Variants in CNTN3 observed in about 807,000 individuals in gnomAD.
CNTN3 encodes the protein contactin 3, also known as contactin-3.
CNTN3 carries 60 observed loss-of-function variants against 119.1 expected under a neutral mutation model. The ratio of observed to expected loss-of-function variants is 0.50; its 90% CI spans 0.41 to 0.62. CNTN3 has a LOEUF of 0.62. Among genes scored for constraint, CNTN3 ranks in the 20% least tolerant of loss-of-function variants. CNTN3 has a pLI of 0.00. For synonymous variants in CNTN3, 450 were observed against 438.7 expected (o/e 1.03, Z -0.32); for missense variants, 1,101 against 1,242.4 (o/e 0.89, Z 1.71).
chr3:74,419,590 T>C (rs76320311), intron 5 of CNTN3, among the ~76,000 whole-genome samples: 2,008 of 152,244 alleles, frequency 0.013, 44 homozygotes, highest in African/African-American at 0.046. Flanking sequence ...GTTGTTATAA[T>C]ATGTGAATGG....
At position 74,604,410 on chromosome 3, in the gene CNTN3, C is replaced by T. The variant is rs1704960352; in HGVS notation, c.-81+9981G>A. On this transcript the variant is annotated intron_variant, in intron 1 of 22. Transcript: ENST00000263665. ...CTAGAGAAAATATCTGCAAACCACACATCTGTAAGAGGTTAATATTCAGAA... is the reference window on the plus strand; with the variant it reads ...CTAGAGAAAATATCTGCAAACCACATATCTGTAAGAGGTTAATATTCAGAA... 3.3e-5 allele frequency among the ~76,000 whole-genome samples: 5 copies of T among 152,192 alleles called. No homozygotes were observed. The South Asian group carries it at 8.3e-4, about 25-fold the overall frequency.
chr3:74,450,325 T>C (rs1032734329), intron 4 of CNTN3, among the ~76,000 whole-genome samples: 1 of 152,052 alleles, frequency 6.6e-6, no homozygotes, highest in Non-Finnish European at 1.5e-5. Flanking sequence ...AAAAATCTCA[T>C]ACATTATTGT....
At chr3:74,344,502 T>A (rs935438006) in intron 11 of CNTN3, among the ~76,000 whole-genome samples, 1 of 140,978 alleles carries the variant, frequency 7.1e-6, no homozygotes, top group Non-Finnish European at 1.5e-5. Context: ...CTGGGCTCAC[T>A]GCAAGCTCCG....
chr3:74,340,787 A>G (rs1477374401), intron 11 of CNTN3, among the ~76,000 whole-genome samples: 1 of 151,860 alleles, frequency 6.6e-6, no homozygotes, highest in Non-Finnish European at 1.5e-5. Flanking sequence ...AAGCCTTAAA[A>G]CAAAGTAAAA....
intron 2 of CNTN3, among the ~76,000 whole-genome samples, chr3:74,512,588 GA>G (rs1047297169): frequency 1.5e-5 from 2 of 134,980 alleles, no homozygotes; most frequent in Non-Finnish European, 3.1e-5. Context: ...CCATGAGGCA[GA>G]AAAAAAACAT....
intron 19 of CNTN3, among the ~76,000 whole-genome samples, chr3:74,288,159 C>CTTTTTTTTTTTTTTTTTTTTTTTTT (rs3084509): frequency 1.1e-5 from 1 of 90,376 alleles, no homozygotes; most frequent in Non-Finnish European, 2.4e-5. Context: ...CTTTTCTTTT[C>CTTTTTTTTTTTTTTTTTTTTTTTTT]TTTTTTTTTT....
At chr3:74,416,126 C>G (rs1416536494) in intron 5 of CNTN3, among the ~76,000 whole-genome samples, 2 of 152,266 alleles carry the variant, frequency 1.3e-5, no homozygotes, top group East Asian at 3.9e-4. Flanking sequence ...TTTCTAGAAC[C>G]ATGTTTTCTA....
chr3:74,367,027 C>T (rs894722009), intron 8 of CNTN3, among the ~76,000 whole-genome samples: 38 of 149,508 alleles, frequency 2.5e-4, no homozygotes, highest in African/African-American at 9.0e-4. Flanking sequence ...GAGGATAATT[C>T]GCTGGACTAA....
chr3:74,544,661 C>T (rs905127697), intron 1 of CNTN3, among the ~76,000 whole-genome samples: 6 of 152,024 alleles, frequency 3.9e-5, no homozygotes, highest in African/African-American at 2.4e-5. Flanking sequence ...TGCAGTGGCG[C>T]GATATCAGCT....
chr3:74,381,322 A>G (rs1704618577), intron 5 of CNTN3, among the ~76,000 whole-genome samples: 1 of 152,186 alleles, frequency 6.6e-6, no homozygotes, highest in Admixed American at 6.6e-5. Flanking sequence ...TTTAAGAAAT[A>G]GTGGCTATAT....
intron 1 of CNTN3, among the ~76,000 whole-genome samples, chr3:74,565,452 T>C (rs762441239): frequency 6.6e-6 from 1 of 152,244 alleles, no homozygotes; most frequent in South Asian, 2.1e-4. Flanking sequence ...TGGGCCCAAA[T>C]GGGTAATCCA....
At chr3:74,592,189 T>A (rs1196812684) in intron 1 of CNTN3, among the ~76,000 whole-genome samples, 1 of 151,712 alleles carries the variant, frequency 6.6e-6, no homozygotes, top group Non-Finnish European at 1.5e-5. Flanking sequence ...ATTAAGAAAC[T>A]GCTTGTGATC....
chr3:74,314,606 C>A (rs1325530161), intron 13 of CNTN3, among the ~76,000 whole-genome samples: 1 of 152,118 alleles, frequency 6.6e-6, no homozygotes, highest in East Asian at 1.9e-4. Flanking sequence ...TGTAACAATT[C>A]TTTACGTGTA....
intron 5 of CNTN3, among the ~76,000 whole-genome samples, chr3:74,395,390 C>CAG (rs1705022222): frequency 6.6e-6 from 1 of 151,958 alleles, no homozygotes; most frequent in East Asian, 1.9e-4. Context: ...CACACACACA[C>CAG]ACACACGACT....
intron 20 of CNTN3, among the ~76,000 whole-genome samples, chr3:74,271,295 C>A (rs1371429836): frequency 6.6e-6 from 1 of 152,110 alleles, no homozygotes; most frequent in Non-Finnish European, 1.5e-5. Context: ...CACAGCATAA[C>A]CTCCACTGTA....
chr3:74,357,036 G>C (rs1703951435), intron 11 of CNTN3, among the ~76,000 whole-genome samples: 1 of 151,894 alleles, frequency 6.6e-6, no homozygotes, highest in South Asian at 2.1e-4. Flanking sequence ...CCATTCTCCT[G>C]CCTCAGCCTC....
chr3:74,475,156 G>A (rs925568989), intron 4 of CNTN3, among the ~76,000 whole-genome samples: 1 of 151,932 alleles, frequency 6.6e-6, no homozygotes, highest in Non-Finnish European at 1.5e-5. Context: ...ACTCCTTATT[G>A]CTTAAACAAA....
chr3:74,516,493 A>AAGAATAC (rs1703452903), intron 2 of CNTN3, among the ~76,000 whole-genome samples: 1 of 150,896 alleles, frequency 6.6e-6, no homozygotes, highest in Non-Finnish European at 1.5e-5. Context: ...ACTTTACTGT[A>AAGAATAC]AGAATACAGA....
At chr3:74,455,125 C>T (rs1423172931) in intron 4 of CNTN3, among the ~76,000 whole-genome samples, 1 of 152,108 alleles carries the variant, frequency 6.6e-6, no homozygotes, top group Non-Finnish European at 1.5e-5. Flanking sequence ...TCCATTCTCC[C>T]CGTCACTTTC....
Sources: allele counts gnomAD v4.1 joint callset (sites outside exome capture counted in the v4.1 genomes callset), GRCh38; gene constraint gnomAD v4.1.1; transcripts MANE v1.5; gene names NCBI Gene and HGNC (gene_info 2026-07-23, HGNC 2026-07-21).